RAP1GDS1: variants seen among roughly 807,000 people sequenced by gnomAD.
RAP1GDS1 encodes the protein RAP1, GTP-GDP dissociation stimulator 1.
RAP1GDS1 carries 35 observed loss-of-function variants against 71.1 expected under a neutral mutation model. That is an observed-to-expected ratio of 0.49 (90% CI 0.38 to 0.65). RAP1GDS1 has a LOEUF of 0.65. RAP1GDS1 is among the 30% of genes least tolerant of loss of function. The pLI, the probability that RAP1GDS1 is intolerant of heterozygous loss-of-function variation, is 0.00. For missense variants in RAP1GDS1, 663 were observed against 706.1 expected, an observed-to-expected ratio of 0.94 and a Z score of 0.69; for synonymous variants, 229 against 243.1, an observed-to-expected ratio of 0.94 and a Z score of 0.54.
chr4:98,269,926 C>A (rs1377876547), intron 1 of RAP1GDS1, among the ~76,000 whole-genome samples: 5 of 152,124 alleles, frequency 3.3e-5, no homozygotes, highest in South Asian at 2.1e-4. Context: ...AGGTTATTGT[C>A]TCAGTCCATT....
intron 1 of RAP1GDS1, among the ~76,000 whole-genome samples, chr4:98,265,276 C>CT (rs1336308332): frequency 1.3e-5 from 2 of 152,130 alleles, no homozygotes; most frequent in Admixed American, 1.3e-4. Context: ...AGGTTTTAGC[C>CT]TGGGTGATAA....
intron 12 of RAP1GDS1, among the ~76,000 whole-genome samples, chr4:98,421,914 C>A (rs759284271): frequency 1.3e-5 from 2 of 151,932 alleles, no homozygotes; most frequent in African/African-American, 2.4e-5. Flanking sequence ...ATACTGTTTT[C>A]TTGTTGGGCG....
chr4:98,292,130 C>CTTTTTTTTTTTTTTTTTTTT (rs139869872), intron 1 of RAP1GDS1, among the ~76,000 whole-genome samples: 1 of 139,732 alleles, frequency 7.2e-6, no homozygotes, highest in Non-Finnish European at 1.6e-5. Flanking sequence ...TTTTTTTTTC[C>CTTTTTTTTTTTTTTTTTTTT]TTTTTTTTTT....
intron 4 of RAP1GDS1, among the ~76,000 whole-genome samples, chr4:98,376,739 A>T (rs574983067): frequency 1.6e-4 from 24 of 152,036 alleles, no homozygotes; most frequent in Admixed American, 4.6e-4. Flanking sequence ...TTTTCTTCTC[A>T]TATTTGGTAA....
At chr4:98,368,356 CT>C (rs1443911717) in intron 4 of RAP1GDS1, among the ~76,000 whole-genome samples, 1 of 152,160 alleles carries the variant, frequency 6.6e-6, no homozygotes, top group Non-Finnish European at 1.5e-5. Context: ...TGAAAACAAA[CT>C]AATACTGTAT....
chr4:98,270,782 C>T (rs548034264), intron 1 of RAP1GDS1, among the ~76,000 whole-genome samples: 111 of 152,016 alleles, frequency 7.3e-4, no homozygotes, highest in Non-Finnish European at 1.1e-3. Context: ...CCCCTTTTAC[C>T]TCCTCCACCT....
chr4:98,299,324 T>C (rs1194413478), intron 2 of RAP1GDS1, among the ~76,000 whole-genome samples: 2 of 152,364 alleles, frequency 1.3e-5, no homozygotes, highest in Admixed American at 1.3e-4. Flanking sequence ...ACATTCAGAT[T>C]GGTTCCAAGT....
rs1017278838 is a variant in RAP1GDS1 at position 98,404,509 on chromosome 4, A to G, written c.670A>G (p.Ile224Val). The G allele has an allele frequency of 1.9e-6, 3 of 1,607,208 alleles. No individual in the cohort carries two copies. Among genetic ancestry groups the G allele is most frequent in the Non-Finnish European group, 2.5e-6 (3 of 1,177,540 alleles). The change falls in exon 7 of 15, where the codon ATT becomes GTT. Residue 224 changes from isoleucine to valine, a missense_variant. Transcript: ENST00000408927. ...SSKEQFASTN[I>V]AEELVKLFKK... The stretch of plus-strand genomic sequence containing the variant: ...TAAAGAACAGTTTGCCAGTACAAAC[A>G]TTGCTGAAGAGCTAGTAAAACTCTT...
At chr4:98,273,586 T>G (rs147893791) in intron 1 of RAP1GDS1, among the ~76,000 whole-genome samples, 1 of 152,276 alleles carries the variant, frequency 6.6e-6, no homozygotes, top group Non-Finnish European at 1.5e-5. Flanking sequence ...TTATCAGAAT[T>G]TATTGTAGAT....
chr4:98,336,017 C>T (rs954228715), intron 2 of RAP1GDS1, among the ~76,000 whole-genome samples: 2 of 152,162 alleles, frequency 1.3e-5, no homozygotes, highest in African/African-American at 4.8e-5. Context: ...AAAAATCTTG[C>T]AGATGCTAAA....
chr4:98,274,486 GAAT>G (rs1723929250), intron 1 of RAP1GDS1, among the ~76,000 whole-genome samples: 1 of 152,150 alleles, frequency 6.6e-6, no homozygotes, highest in African/African-American at 2.4e-5. Flanking sequence ...CCCTATTGAT[GAAT>G]AATAGAGTGA....
intron 2 of RAP1GDS1, among the ~76,000 whole-genome samples, chr4:98,301,812 T>C (rs1252531847): frequency 6.6e-6 from 1 of 152,122 alleles, no homozygotes; most frequent in Non-Finnish European, 1.5e-5. Context: ...AGCACCACTT[T>C]GGGGATGGAG....
At chr4:98,415,820 G>T (rs1280078985) in intron 7 of RAP1GDS1, among the ~76,000 whole-genome samples, 1 of 152,076 alleles carries the variant, frequency 6.6e-6, no homozygotes, top group Admixed American at 6.5e-5. Context: ...AATGTATTCA[G>T]AAATAGCATT....
intron 1 of RAP1GDS1, among the ~76,000 whole-genome samples, chr4:98,291,209 C>A (rs1726861422): frequency 6.6e-6 from 1 of 152,078 alleles, no homozygotes; most frequent in South Asian, 2.1e-4. Context: ...GTGGGAGACT[C>A]AGAATTTTAA....
intron 14 of RAP1GDS1, among the ~76,000 whole-genome samples, chr4:98,440,788 G>C (rs141591084): frequency 6.6e-6 from 1 of 152,116 alleles, no homozygotes; most frequent in Admixed American, 6.5e-5. Context: ...TGCAATCTCG[G>C]CTCACCGTAA....
At chr4:98,331,355 GGAGAGA>G (rs911426490) in intron 2 of RAP1GDS1, among the ~76,000 whole-genome samples, 4 of 145,130 alleles carry the variant, frequency 2.8e-5, no homozygotes, top group Admixed American at 1.4e-4. Flanking sequence ...AGAGGGAGAG[GGAGAGA>G]GAGAGGGAGA....
In RAP1GDS1 at chr4:98,290,293, A is replaced by T. The variant is rs187587675; in HGVS notation, c.5-3115A>T. ...ACTGAAAAATGCCACCACAAATAAC[A>T]TAAAGAATTTCATGACTTCCTAGTT... On this transcript the variant is annotated intron_variant, in intron 1 of 14. Coordinates refer to ENST00000408927, the MANE Select transcript of RAP1GDS1 (RefSeq NM_001100427.2). 9.1e-4 allele frequency among the ~76,000 whole-genome samples: 138 copies of T among 152,248 alleles called. 2 individuals are homozygous for T. Among genetic ancestry groups the T allele is most frequent in the Admixed American group, 7.9e-3 (121 of 15,276 alleles).
At chr4:98,369,277 A>T (rs955938601) in intron 4 of RAP1GDS1, among the ~76,000 whole-genome samples, 21 of 152,196 alleles carry the variant, frequency 1.4e-4, no homozygotes, top group African/African-American at 5.1e-4. Flanking sequence ...CATACAGTAT[A>T]TGAAAACTTC....
chr4:98,357,337 A>G (rs1032318349), intron 4 of RAP1GDS1, among the ~76,000 whole-genome samples: 1 of 151,972 alleles, frequency 6.6e-6, no homozygotes, highest in Non-Finnish European at 1.5e-5. Context: ...TAAAAATAAG[A>G]TTCTTCAGTT....
Sources: allele counts gnomAD v4.1 joint callset (sites outside exome capture counted in the v4.1 genomes callset), GRCh38; gene constraint gnomAD v4.1.1; transcripts MANE v1.5; gene names NCBI Gene and HGNC (gene_info 2026-07-23, HGNC 2026-07-21).